PCDH9: variants seen among roughly 807,000 people sequenced by gnomAD.
PCDH9 encodes protocadherin-9.
A neutral mutation model predicts 70.6 loss-of-function variants in PCDH9; 24 were observed. That is an observed-to-expected ratio of 0.34 (90% confidence interval 0.25 to 0.48). The LOEUF is 0.48. Among genes scored for constraint, PCDH9 ranks in the 20% least tolerant of loss-of-function variants. The pLI is 0.99. For synonymous variants in PCDH9, 562 were observed against 558.5 expected, an observed-to-expected ratio of 1.01 and a Z score of -0.09; for missense variants, 1,281 against 1,503.6, an observed-to-expected ratio of 0.85 and a Z score of 2.45.
At chr13:66,502,190 G>A (rs1430036740) in intron 4 of PCDH9, among the ~76,000 whole-genome samples, 2 of 152,230 alleles carry the variant, frequency 1.3e-5, no homozygotes, top group Admixed American at 1.3e-4. Context: ...ACAAAGTAAA[G>A]TATTTTTTTC....
intron 4 of PCDH9, among the ~76,000 whole-genome samples, chr13:66,355,585 C>T (rs760247529): frequency 2.0e-5 from 3 of 152,038 alleles, no homozygotes; most frequent in Non-Finnish European, 2.9e-5. Flanking sequence ...AGAAAGAGCA[C>T]ATGTGTTAGA....
chr13:66,920,543 C>T (rs1361598727), intron 2 of PCDH9, among the ~76,000 whole-genome samples: 3 of 151,036 alleles, frequency 2.0e-5, no homozygotes, highest in Admixed American at 1.3e-4. Flanking sequence ...GAATGACCTT[C>T]TATAAATATA....
intron 3 of PCDH9, among the ~76,000 whole-genome samples, chr13:66,642,929 A>T (rs897900308): frequency 6.6e-6 from 1 of 152,008 alleles, no homozygotes; most frequent in Non-Finnish European, 1.5e-5. Flanking sequence ...TTTATTCTCA[A>T]CTTATATGCA....
intron 3 of PCDH9, chr13:66,859,250 C>T (rs995116499): frequency 2.4e-4 from 36 of 152,100 alleles, no homozygotes; most frequent in African/African-American, 8.4e-4. Context: ...GCGGGACACT[C>T]GAGACTCTAC....
chr13:66,547,895 AT>A (rs1961280118), intron 4 of PCDH9, among the ~76,000 whole-genome samples: 1 of 134,200 alleles, frequency 7.5e-6, no homozygotes, highest in East Asian at 2.2e-4. Context: ...ATTTAATCAT[AT>A]TATTATATAA....
chr13:66,344,991 G>C (rs267324), intron 4 of PCDH9, among the ~76,000 whole-genome samples: 150,671 of 152,322 alleles, frequency 0.99, 74,537 homozygotes, highest in Middle Eastern at 1. Context: ...CTTAAGCTGG[G>C]CTTTCTTATC....
At chr13:66,804,633 C>G (rs976723240) in intron 3 of PCDH9, among the ~76,000 whole-genome samples, 2 of 152,118 alleles carry the variant, frequency 1.3e-5, no homozygotes, top group Non-Finnish European at 2.9e-5. Flanking sequence ...TTGTTGTTAA[C>G]TAATTGGAAT....
In PCDH9 at chr13:66,532,251, G is replaced by A. The variant is rs1593632033; in HGVS notation, c.3340+98959C>T. Among the ~76,000 whole-genome samples the A allele has an allele frequency of 2.0e-5, 3 of 151,712 alleles. No individual in the cohort carries two copies. The East Asian group carries it at 5.8e-4, about 29-fold the overall frequency. ...ACTTCTAGGCTGAAGCAATCCTCCT[G>A]TCTTGGCCTCCCAAAGTGTCCGGAT... On this transcript the variant is annotated intron_variant, in intron 4 of 4. Coordinates refer to ENST00000377865, the MANE Select transcript of PCDH9 (RefSeq NM_203487.3).
intron 3 of PCDH9, among the ~76,000 whole-genome samples, chr13:66,873,566 C>T (rs2081738450): frequency 6.6e-6 from 1 of 152,172 alleles, no homozygotes; most frequent in Non-Finnish European, 1.5e-5. Context: ...TTCTCCTAAT[C>T]TCCCTGTACA....
At chr13:66,981,248 C>T (rs886419533) in intron 2 of PCDH9, among the ~76,000 whole-genome samples, 3 of 151,980 alleles carry the variant, frequency 2.0e-5, no homozygotes, top group East Asian at 1.9e-4. Flanking sequence ...ACCATCGTGG[C>T]TAACACGGTG....
At chr13:66,558,573 C>T (rs1961849285) in intron 4 of PCDH9, among the ~76,000 whole-genome samples, 1 of 151,986 alleles carries the variant, frequency 6.6e-6, no homozygotes, top group Non-Finnish European at 1.5e-5. Context: ...CTGGCACAGA[C>T]AGAAATTTTT....
At chr13:66,377,358 G>A (rs767909984) in intron 4 of PCDH9, among the ~76,000 whole-genome samples, 4 of 152,142 alleles carry the variant, frequency 2.6e-5, no homozygotes, top group Non-Finnish European at 4.4e-5. Context: ...CGAGGCTCAA[G>A]AAGTTGCATT....
At chr13:66,368,372 T>C (rs545414603) in intron 4 of PCDH9, among the ~76,000 whole-genome samples, 1 of 152,102 alleles carries the variant, frequency 6.6e-6, no homozygotes, top group South Asian at 2.1e-4. Flanking sequence ...AAGATAGTTT[T>C]CCTCTCTCTT....
intron 3 of PCDH9, among the ~76,000 whole-genome samples, chr13:66,758,706 T>C (rs1566174662): frequency 1.3e-5 from 2 of 152,200 alleles, no homozygotes; most frequent in East Asian, 1.9e-4. Flanking sequence ...GTATTAATTA[T>C]TCTTTAAATG....
chr13:66,592,629 G>C (rs117145551), intron 4 of PCDH9, among the ~76,000 whole-genome samples: 2,113 of 151,794 alleles, frequency 0.014, 35 homozygotes, highest in East Asian at 0.039. Context: ...TTTTATTCCA[G>C]ATACATGTGT....
intron 2 of PCDH9, among the ~76,000 whole-genome samples, chr13:67,164,550 T>A (rs2088054145): frequency 6.7e-6 from 1 of 148,318 alleles, no homozygotes. Context: ...CTCCAGCTTG[T>A]GTGACAGAGC....
intron 3 of PCDH9, among the ~76,000 whole-genome samples, chr13:66,774,418 G>T (rs578085823): frequency 3.5e-5 from 5 of 142,192 alleles, no homozygotes; most frequent in African/African-American, 1.2e-4. Context: ...GGGGGGAAAT[G>T]ATGGAGTCAC....
chr13:66,666,731 C>G (rs896931260), intron 3 of PCDH9, among the ~76,000 whole-genome samples: 2 of 151,712 alleles, frequency 1.3e-5, no homozygotes, highest in African/African-American at 4.9e-5. Context: ...ACTAAATAGA[C>G]TACTGTGAGA....
At chr13:66,518,747 C>A (rs1231602844) in intron 4 of PCDH9, among the ~76,000 whole-genome samples, 1 of 152,046 alleles carries the variant, frequency 6.6e-6, no homozygotes, top group East Asian at 1.9e-4. Flanking sequence ...GTTTGACTTG[C>A]GCTACTCCAA....
Sources: gnomAD v4.1 joint callset for allele counts (sites outside exome capture counted in the v4.1 genomes callset) on GRCh38, gnomAD v4.1.1 for gene constraint, MANE v1.5 for transcripts, NCBI Gene and HGNC (gene_info 2026-07-23, HGNC 2026-07-21) for gene names.